Variants in NUP62CL observed in about 807,000 individuals in gnomAD.
The protein encoded by NUP62CL is nucleoporin-62 C-terminal-like protein.
NUP62CL carries 13 observed loss-of-function variants against 15.3 expected under a neutral mutation model. The ratio of observed to expected loss-of-function variants is 0.85; its 90% CI spans 0.55 to 1.35. The LOEUF (loss-of-function observed/expected upper bound fraction) is 1.35, where lower values mean the gene tolerates loss of function less well. Ranked by LOEUF, NUP62CL falls within the 40% of genes most tolerant of loss-of-function variation. The pLI, the probability that NUP62CL is intolerant of heterozygous loss-of-function variation, is 0.00. For missense variants in NUP62CL, 123 were observed against 130.6 expected (o/e 0.94, Z 0.28); for synonymous variants, 54 against 49.2 (o/e 1.10, Z -0.41).
chrX:107,201,113 A>G (rs1289603237), intron 1 of NUP62CL, among the ~76,000 whole-genome samples: 1 of 111,988 alleles, frequency 8.9e-6, no homozygotes, highest in African/African-American at 3.2e-5. Flanking sequence ...CTCACTCCAC[A>G]GAAAATAAAG....
intron 4 of NUP62CL, among the ~76,000 whole-genome samples, chrX:107,163,768 C>A (rs1033237745): frequency 9.0e-5 from 10 of 111,577 alleles, no homozygotes; most frequent in African/African-American, 2.6e-4. Flanking sequence ...CAAAGAGAGA[C>A]ATTACAGAGT....
At chrX:107,167,067 T>C (rs1926533720) in intron 4 of NUP62CL, among the ~76,000 whole-genome samples, 1 of 111,683 alleles carries the variant, frequency 9.0e-6, no homozygotes, top group African/African-American at 3.3e-5. Context: ...GGAAATGATA[T>C]AAAGACCATA....
At chrX:107,169,819 T>TA (rs201672205) in intron 3 of NUP62CL, among the ~76,000 whole-genome samples, 16,195 of 108,608 alleles carry the variant, frequency 0.15, 1,233 homozygotes, top group Admixed American at 0.28. Flanking sequence ...ATTTTTTTTT[T>TA]AAAAAAATGA....
At chrX:107,127,362 T>C (rs969475156) in intron 8 of NUP62CL, among the ~76,000 whole-genome samples, 5 of 112,009 alleles carry the variant, frequency 4.5e-5, no homozygotes, top group Non-Finnish European at 9.4e-5. Context: ...AGTGTTCTAA[T>C]ACTGGATTGT....
At chrX:107,176,418 C>A (rs1926784794) in intron 2 of NUP62CL, among the ~76,000 whole-genome samples, 1 of 111,051 alleles carries the variant, frequency 9.0e-6, no homozygotes, top group Admixed American at 9.6e-5. Flanking sequence ...ACCAAAAAAA[C>A]AAAACAAAAA....
intron 2 of NUP62CL, 42 bp from the exon 3 acceptor site, chrX:107,175,235 A>G: frequency 1.6e-6 from 1 of 632,383 alleles, no homozygotes; most frequent in Non-Finnish European, 2.5e-6. Context: ...GTCACTAAAA[A>G]TAATTTTTAA....
At chrX:107,139,632 G>A (rs758940904) in intron 8 of NUP62CL, among the ~76,000 whole-genome samples, 3 of 111,932 alleles carry the variant, frequency 2.7e-5, no homozygotes, top group Non-Finnish European at 5.6e-5. Flanking sequence ...AATATGGCTG[G>A]CCATCTTTTC....
At position 107,124,342 on chromosome X, in the gene NUP62CL, A is replaced by C. The variant is rs1298731424; in HGVS notation, c.*43-10T>G. The C allele has an allele frequency of 8.8e-6, 3 of 340,056 alleles. No individual in the cohort carries two copies. Among genetic ancestry groups the C allele is most frequent in the Non-Finnish European group, 1.8e-5 (3 of 169,582 alleles). 28.0% of individuals were successfully genotyped at this position (340,056 alleles called of 1,213,427 possible). A position where few individuals can be genotyped will look rare whatever the true frequency, so the allele number is the denominator to read the frequency against. Reference sequence around the variant, plus strand: ...TTCCTTCGCAGCATGCCTATAGGAGAAAAAGTCACACAATCATTAATCTAA... The same window carrying C: ...TTCCTTCGCAGCATGCCTATAGGAGCAAAAGTCACACAATCATTAATCTAA... On this transcript the variant is annotated splice_polypyrimidine_tract_variant and intron_variant, in intron 8 of 8. Transcript: ENST00000372466.
At chrX:107,173,524 G>A (rs1333266934) in intron 3 of NUP62CL, among the ~76,000 whole-genome samples, 1 of 111,781 alleles carries the variant, frequency 8.9e-6, no homozygotes, top group Non-Finnish European at 1.9e-5. Flanking sequence ...AAAAGTGGGG[G>A]AACCTGTCAA....
intron 8 of NUP62CL, among the ~76,000 whole-genome samples, chrX:107,133,330 G>A (rs777140334): frequency 1.8e-5 from 2 of 109,022 alleles, no homozygotes; most frequent in Non-Finnish European, 3.8e-5. Context: ...TTTTAAGATC[G>A]ATAACTTTTT....
chrX:107,145,203 A>C (rs1925857841), intron 8 of NUP62CL, among the ~76,000 whole-genome samples: 1 of 111,551 alleles, frequency 9.0e-6, no homozygotes, highest in South Asian at 3.7e-4. Flanking sequence ...TGATATAGGT[A>C]TGTCTGGAAG....
chrX:107,167,685 C>T lies in NUP62CL; in HGVS notation c.158G>A (p.Gly53Glu), dbSNP rs1162256555. 4 of 1,205,958 alleles carry T rather than the reference C, an allele frequency of 3.3e-6. No homozygotes were observed. The highest frequency in any genetic ancestry group is 4.5e-6 in the Non-Finnish European group (4 of 892,899). Residue 53 changes from glycine (G) to glutamate (E), a missense_variant, in exon 4 of 9, where the codon GGG becomes GAG. Transcript: ENST00000372466. ...AGTATAAGGTACAAGGTTTTCAAAC[C>T]CTCTTGATAACAGTTGGTTTTGGTT... ...TVNQNQLLSR[G>E]FENLVPYTST...
At chrX:107,183,893 C>T (rs1473082210) in intron 2 of NUP62CL, among the ~76,000 whole-genome samples, 1 of 110,512 alleles carries the variant, frequency 9.0e-6, no homozygotes, top group Non-Finnish European at 1.9e-5. Context: ...AGACCAAACT[C>T]GAAGCCAGGT....
chrX:107,205,806 G>A (rs1226792305), intron 1 of NUP62CL, among the ~76,000 whole-genome samples: 1 of 110,705 alleles, frequency 9.0e-6, no homozygotes, highest in East Asian at 2.8e-4. Flanking sequence ...CAAGCGAGCG[G>A]CGCGCCTGCT....
chrX:107,163,052 G>A (rs977475385), intron 4 of NUP62CL, among the ~76,000 whole-genome samples: 2 of 111,761 alleles, frequency 1.8e-5, no homozygotes, highest in Admixed American at 9.5e-5. Flanking sequence ...CCCAGGGGTT[G>A]AGGACCCCTG....
chrX:107,155,388 A>G (rs772468780), intron 4 of NUP62CL, among the ~76,000 whole-genome samples: 2 of 112,694 alleles, frequency 1.8e-5, no homozygotes, highest in East Asian at 5.6e-4. Flanking sequence ...GCAACTAAGC[A>G]GTGTGAGTCA....
intron 8 of NUP62CL, chrX:107,131,524 A>G (rs1925515619): frequency 3.0e-6 from 1 of 338,292 alleles, no homozygotes; most frequent in Non-Finnish European, 5.3e-6. Flanking sequence ...GATAACAACT[A>G]GGGTTTTTAA....
chrX:107,172,799 G>A (rs1602655580), intron 3 of NUP62CL, among the ~76,000 whole-genome samples: 1 of 112,216 alleles, frequency 8.9e-6, no homozygotes, highest in East Asian at 2.8e-4. Context: ...TGTTTTGCCT[G>A]TAGTCATCTC....
At chrX:107,163,616 T>C (rs1306144832) in intron 4 of NUP62CL, among the ~76,000 whole-genome samples, 1 of 111,897 alleles carries the variant, frequency 8.9e-6, no homozygotes, top group Non-Finnish European at 1.9e-5. Flanking sequence ...GAAATTCACT[T>C]CAAATACAAG....
Sources: gnomAD v4.1 joint callset for allele counts (sites outside exome capture counted in the v4.1 genomes callset) on GRCh38, gnomAD v4.1.1 for gene constraint, MANE v1.5 for transcripts, NCBI Gene and HGNC (gene_info 2026-07-23, HGNC 2026-07-21) for gene names.